PPP2R2B: variants seen among roughly 807,000 people sequenced by gnomAD.
PPP2R2B encodes the protein serine/threonine-protein phosphatase 2A 55 kDa regulatory subunit B beta isoform.
A neutral mutation model predicts 46.0 loss-of-function variants in PPP2R2B; 5 were observed. That is an observed-to-expected ratio of 0.11 (90% CI 0.06 to 0.23). PPP2R2B has a LOEUF of 0.23. PPP2R2B is among the 10% of genes least tolerant of loss of function. The pLI is 1.00. For synonymous variants in PPP2R2B, 215 were observed against 206.7 expected, an observed-to-expected ratio of 1.04 and a Z score of -0.34; for missense variants, 367 against 575.0, an observed-to-expected ratio of 0.64 and a Z score of 3.70.
At chr5:146,821,472 G>T (rs1345184224) in intron 2 of PPP2R2B, among the ~76,000 whole-genome samples, 1 of 152,094 alleles carries the variant, frequency 6.6e-6, no homozygotes, top group Non-Finnish European at 1.5e-5. Context: ...GCACTTTGTG[G>T]ATGTATATCA....
intron 1 of PPP2R2B, among the ~76,000 whole-genome samples, chr5:147,037,517 CCTAACATTCATTTTTGTG>C (rs1457244619): frequency 6.6e-6 from 1 of 151,680 alleles, no homozygotes; most frequent in African/African-American, 2.4e-5. Flanking sequence ...TTATTTGTTT[CCTAACATTCATTTTTGTG>C]CTAACATTCA....
intron 8 of PPP2R2B, among the ~76,000 whole-genome samples, chr5:146,597,945 C>A (rs970028222): frequency 1.3e-5 from 2 of 152,332 alleles, no homozygotes; most frequent in East Asian, 3.9e-4. Context: ...GGGCTTTGCT[C>A]CTTCAGCGGT....
intron 2 of PPP2R2B, among the ~76,000 whole-genome samples, chr5:146,820,644 A>G (rs1047084098): frequency 2.0e-5 from 3 of 152,136 alleles, no homozygotes; most frequent in South Asian, 2.1e-4. Flanking sequence ...CTATACCTCT[A>G]CTGAGCTCTA....
intron 1 of PPP2R2B, among the ~76,000 whole-genome samples, chr5:147,013,003 A>G (rs1357473954): frequency 6.6e-6 from 1 of 151,724 alleles, no homozygotes; most frequent in Non-Finnish European, 1.5e-5. Context: ...TCAGCCCAAA[A>G]TCTCCTTAAG....
At chr5:146,767,045 CAAAAAAAAAAAAAA>C (rs10605079) in intron 2 of PPP2R2B, among the ~76,000 whole-genome samples, 2 of 46,298 alleles carry the variant, frequency 4.3e-5, no homozygotes, top group Non-Finnish European at 3.4e-5. Flanking sequence ...AGAAGTGTCT[CAAAAAAAAAAAAAA>C]AAAAAAAAAA....
chr5:146,594,157 ACT>A (rs1770937567), intron 8 of PPP2R2B, among the ~76,000 whole-genome samples: 1 of 151,924 alleles, frequency 6.6e-6, no homozygotes, highest in Non-Finnish European at 1.5e-5. Context: ...TGTCGAGTAG[ACT>A]CTGAGGTGAA....
chr5:146,752,418 C>T (rs1188134119), intron 2 of PPP2R2B, among the ~76,000 whole-genome samples: 1 of 152,204 alleles, frequency 6.6e-6, no homozygotes, highest in Non-Finnish European at 1.5e-5. Context: ...CCTATCAGTG[C>T]TGCTCATTTT....
At position 146,589,772 on chromosome 5, in the gene PPP2R2B, A is replaced by G; in HGVS notation, c.*175T>C. 1 of 698,210 alleles carries G rather than the reference A, an allele frequency of 1.4e-6. No homozygotes were observed. Among genetic ancestry groups the G allele is most frequent in the Non-Finnish European group, 2.3e-6 (1 of 426,718 alleles). 43.3% of individuals were successfully genotyped at this position (698,210 alleles called of 1,614,324 possible). On this transcript the variant is annotated 3_prime_UTR_variant, in exon 10 of 10. Transcript: ENST00000394411. ...GTGTCCCAAACCTATTGGGTTTGAC[A>G]AAAGTTTCTTAGAACTGGGGAGCTG...
At position 146,985,471 on chromosome 5, in the gene PPP2R2B, T is replaced by G. The variant is rs527980491; in HGVS notation, c.79+70194A>C. 7.2e-5 allele frequency among the ~76,000 whole-genome samples: 11 copies of G among 152,344 alleles called. No individual in the cohort carries two copies. The East Asian group carries it at 2.1e-3, about 29-fold the overall frequency. ...TGTTTTTGGGGTCAAATTCAAAAAA[T>G]TATTGCCTAAACCAATGTCATGTAG... is the stretch of plus-strand genomic sequence containing the variant. On this transcript the variant is annotated intron_variant, in intron 1 of 8. Transcript: ENST00000336640.
intron 1 of PPP2R2B, among the ~76,000 whole-genome samples, chr5:146,900,554 TCTTC>T (rs145747835): frequency 0.45 from 48,941 of 109,950 alleles, 12,355 homozygotes; most frequent in Non-Finnish European, 0.55. Context: ...TTCCTTCCTT[TCTTC>T]CTTCCTTCCT....
chr5:146,609,101 G>A (rs182501281), intron 7 of PPP2R2B, among the ~76,000 whole-genome samples: 1 of 152,228 alleles, frequency 6.6e-6, no homozygotes, highest in East Asian at 1.9e-4. Context: ...TTATCCCAGG[G>A]ATGCAAGACA....
intron 2 of PPP2R2B, among the ~76,000 whole-genome samples, chr5:146,777,763 C>T (rs899204300): frequency 1.3e-5 from 2 of 152,000 alleles, no homozygotes; most frequent in African/African-American, 2.4e-5. Context: ...GAAAAGTGGC[C>T]CTTATAAACT....
intron 1 of PPP2R2B, among the ~76,000 whole-genome samples, chr5:146,963,411 C>T (rs1752266793): frequency 1.3e-5 from 2 of 152,148 alleles, no homozygotes; most frequent in African/African-American, 4.8e-5. Context: ...TCTCTTTCCC[C>T]TTCTCCTGTC....
At position 146,638,232 on chromosome 5, in the gene PPP2R2B, C is replaced by A. The variant is rs772449612; in HGVS notation, c.790+19G>T. Reference sequence around the variant, plus strand: ...GGGCCAGTGGCCATGCCCCCCACCTCCCTTCAGTTGCTACTCACATTTGGT... The same window carrying A: ...GGGCCAGTGGCCATGCCCCCCACCTACCTTCAGTTGCTACTCACATTTGGT... On this transcript the variant is annotated intron_variant, in intron 7 of 9. Transcript: ENST00000394411. The A allele has an allele frequency of 2.5e-6, 4 of 1,609,894 alleles. No individual in the cohort carries two copies. The highest frequency in any genetic ancestry group is 1.7e-5 in the Admixed American group (1 of 59,864).
chr5:146,645,547 G>C (rs1468445176), intron 6 of PPP2R2B, among the ~76,000 whole-genome samples: 4 of 152,170 alleles, frequency 2.6e-5, no homozygotes, highest in African/African-American at 9.7e-5. Flanking sequence ...AGCCTGCCTG[G>C]CAGAATCCCA....
chr5:146,745,592 C>T (rs1323349926), intron 2 of PPP2R2B, among the ~76,000 whole-genome samples: 1 of 152,172 alleles, frequency 6.6e-6, no homozygotes, highest in Non-Finnish European at 1.5e-5. Flanking sequence ...CTTTGAACTT[C>T]AGTTTCCCCA....
At chr5:146,699,274 G>T (rs1207343690) in intron 3 of PPP2R2B, among the ~76,000 whole-genome samples, 1 of 152,100 alleles carries the variant, frequency 6.6e-6, no homozygotes, top group Non-Finnish European at 1.5e-5. Flanking sequence ...CTGGGTGTGT[G>T]CCTCCTGAGA....
At chr5:146,860,437 GA>G (rs1291509438) in intron 2 of PPP2R2B, among the ~76,000 whole-genome samples, 1 of 152,130 alleles carries the variant, frequency 6.6e-6, no homozygotes, top group African/African-American at 2.4e-5. Context: ...CTTTGACACA[GA>G]AAACACACCA....
At chr5:146,975,705 T>C (rs1317836791) in intron 1 of PPP2R2B, among the ~76,000 whole-genome samples, 1 of 152,198 alleles carries the variant, frequency 6.6e-6, no homozygotes, top group Non-Finnish European at 1.5e-5. Flanking sequence ...GGTAATACTG[T>C]GATTTTGATT....
Sources: gnomAD v4.1 joint callset for allele counts (sites outside exome capture counted in the v4.1 genomes callset) on GRCh38, gnomAD v4.1.1 for gene constraint, MANE v1.5 for transcripts, NCBI Gene and HGNC (gene_info 2026-07-23, HGNC 2026-07-21) for gene names.